The following GRM7 variants were observed in gnomAD, a reference collection of about 807,000 sequenced individuals.
GRM7 encodes glutamate metabotropic receptor 7.
In GRM7, 35 loss-of-function variants were observed where a neutral mutation model predicts 84.5. The ratio of observed to expected loss-of-function variants is 0.41; its 90% CI spans 0.32 to 0.55. The LOEUF is 0.55. GRM7 is among the 20% of genes least tolerant of loss of function. GRM7 has a pLI of 0.19. For missense variants in GRM7, 1,003 were observed against 1,194.6 expected, an observed-to-expected ratio of 0.84 and a Z score of 2.36; for synonymous variants, 487 against 455.1, an observed-to-expected ratio of 1.07 and a Z score of -0.89.
At chr3:7,125,903 G>A (rs1211973033) in intron 1 of GRM7, among the ~76,000 whole-genome samples, 1 of 152,210 alleles carries the variant, frequency 6.6e-6, no homozygotes, top group Admixed American at 6.5e-5. Context: ...TTTTGAGGGT[G>A]AGAGGCTTGC....
intron 7 of GRM7, among the ~76,000 whole-genome samples, chr3:7,536,624 CA>C (rs1310380297): frequency 4.6e-5 from 7 of 152,186 alleles, no homozygotes; most frequent in Non-Finnish European, 1.0e-4. Flanking sequence ...ATGACTTCTA[CA>C]TTGTTTTCTC....
At chr3:7,529,545 T>A (rs1700946069) in intron 7 of GRM7, among the ~76,000 whole-genome samples, 1 of 152,086 alleles carries the variant, frequency 6.6e-6, no homozygotes, top group Non-Finnish European at 1.5e-5. Context: ...TTATAGACTC[T>A]TAACGGACAC....
chr3:7,019,727 G>A (rs1695707873), intron 1 of GRM7, among the ~76,000 whole-genome samples: 1 of 152,144 alleles, frequency 6.6e-6, no homozygotes, highest in Admixed American at 6.5e-5. Context: ...TGATGTGAAA[G>A]TGTAGCCTGT....
chr3:7,456,363 T>G (rs1166276115), intron 6 of GRM7, among the ~76,000 whole-genome samples: 1 of 152,140 alleles, frequency 6.6e-6, no homozygotes, highest in Non-Finnish European at 1.5e-5. Flanking sequence ...AAGTGGTTAT[T>G]GTGTGCCAGA....
intron 1 of GRM7, among the ~76,000 whole-genome samples, chr3:7,077,846 A>G (rs1460874581): frequency 6.6e-6 from 1 of 152,228 alleles, no homozygotes; most frequent in African/African-American, 2.4e-5. Context: ...CATTTGTTCC[A>G]TACCACTTTA....
intron 2 of GRM7, among the ~76,000 whole-genome samples, chr3:7,204,050 A>T (rs1197797548): frequency 6.6e-6 from 1 of 152,148 alleles, no homozygotes; most frequent in African/African-American, 2.4e-5. Flanking sequence ...ATTTTCTATA[A>T]ATATTAGAAA....
At chr3:7,532,265 T>A (rs548956455) in intron 7 of GRM7, among the ~76,000 whole-genome samples, 2 of 152,278 alleles carry the variant, frequency 1.3e-5, no homozygotes, top group South Asian at 4.1e-4. Context: ...CTTTTTTTGT[T>A]TGGTAGGTTA....
intron 1 of GRM7, among the ~76,000 whole-genome samples, chr3:6,889,477 C>T (rs1695844190): frequency 6.6e-6 from 1 of 151,570 alleles, no homozygotes; most frequent in Non-Finnish European, 1.5e-5. Flanking sequence ...TTTTCTGCAT[C>T]TATTGAGATA....
intron 9 of GRM7, among the ~76,000 whole-genome samples, chr3:7,695,027 C>A (rs1559492627): frequency 1.3e-5 from 2 of 152,112 alleles, no homozygotes; most frequent in African/African-American, 4.8e-5. Context: ...TGATGGTGAT[C>A]ACTTACAGAG....
At chr3:6,885,424 A>G (rs1249177886) in intron 1 of GRM7, among the ~76,000 whole-genome samples, 1 of 152,162 alleles carries the variant, frequency 6.6e-6, no homozygotes, top group African/African-American at 2.4e-5. Context: ...GTTGCCGTGA[A>G]AAAGGGCAGT....
chr3:7,505,329 C>T (rs903663949), intron 7 of GRM7, among the ~76,000 whole-genome samples: 1 of 152,218 alleles, frequency 6.6e-6, no homozygotes, highest in Non-Finnish European at 1.5e-5. Context: ...TGGTGTTACA[C>T]ACTGGTGGCT....
Position 7,700,848 on chromosome 3 carries a change from G to A in GRM7, c.2698+20553G>A, listed in dbSNP as rs899793268. Among the ~76,000 whole-genome samples, 4 of 152,204 alleles carry A rather than the reference G, an allele frequency of 2.6e-5. No homozygotes were observed. The East Asian group carries it at 7.7e-4, about 29-fold the overall frequency. On this transcript the variant is annotated intron_variant, in intron 9 of 9. Coordinates refer to ENST00000357716, the MANE Select transcript of GRM7 (RefSeq NM_000844.4). ...CTGGCAGGAATGTAAATAGTTTTAA[G>A]AGGTAAGAAAGAAATTCAGATCATA... is the stretch of plus-strand genomic sequence containing the variant.
intron 1 of GRM7, among the ~76,000 whole-genome samples, chr3:7,045,391 T>C (rs1022000993): frequency 2.6e-5 from 4 of 152,162 alleles, no homozygotes; most frequent in African/African-American, 7.2e-5. Context: ...GAAGATCTAG[T>C]ATTTCTTTCT....
At chr3:7,490,132 GC>G (rs561232110) in intron 7 of GRM7, among the ~76,000 whole-genome samples, 3 of 152,004 alleles carry the variant, frequency 2.0e-5, no homozygotes, top group Non-Finnish European at 4.4e-5. Context: ...CTGATAAACT[GC>G]CCATTGGAAT....
At chr3:7,632,592 GT>G (rs1159804933) in intron 8 of GRM7, among the ~76,000 whole-genome samples, 6 of 152,196 alleles carry the variant, frequency 3.9e-5, no homozygotes, top group African/African-American at 7.2e-5. Context: ...AAAATAGAAT[GT>G]ATTACATGTG....
chr3:7,308,198 C>G (rs529878455), intron 4 of GRM7, among the ~76,000 whole-genome samples: 17 of 152,296 alleles, frequency 1.1e-4, no homozygotes, highest in Middle Eastern at 3.4e-3. Flanking sequence ...ACCCTTTCCT[C>G]TTCTAGAGTA....
intron 1 of GRM7, among the ~76,000 whole-genome samples, chr3:7,117,646 G>T (rs1035978967): frequency 3.9e-5 from 6 of 152,136 alleles, no homozygotes; most frequent in African/African-American, 1.4e-4. Flanking sequence ...TTATCTCAGA[G>T]TGCAAAGACG....
intron 2 of GRM7, among the ~76,000 whole-genome samples, chr3:7,296,952 A>G (rs914286445): frequency 1.3e-5 from 2 of 151,968 alleles, no homozygotes; most frequent in African/African-American, 4.8e-5. Flanking sequence ...TCTGCTAAAC[A>G]TGCAGCTTTT....
chr3:7,408,496 G>A (rs13323452), intron 4 of GRM7, among the ~76,000 whole-genome samples: 1,689 of 152,154 alleles, frequency 0.011, 37 homozygotes, highest in African/African-American at 0.037. Flanking sequence ...ATAATTTGTG[G>A]GTGCATCTGA....
Sources: allele counts gnomAD v4.1 joint callset (sites outside exome capture counted in the v4.1 genomes callset), GRCh38; gene constraint gnomAD v4.1.1; transcripts MANE v1.5; gene names NCBI Gene and HGNC (gene_info 2026-07-23, HGNC 2026-07-21).